CCSER1: variants seen among roughly 807,000 people sequenced by gnomAD.
The protein encoded by CCSER1 is serine-rich coiled-coil domain-containing protein 1.
Under a neutral mutation model 82.0 loss-of-function variants are expected in CCSER1, and 41 were observed. The ratio of observed to expected loss-of-function variants is 0.50; its 90% CI spans 0.39 to 0.65. CCSER1 has a LOEUF of 0.65. CCSER1 is among the 30% of genes least tolerant of loss of function. The probability of loss-of-function intolerance (pLI) is 0.00; values close to 1 mark genes in which losing one functional copy is unlikely to be tolerated. For synonymous variants in CCSER1, 414 were observed against 383.9 expected, an observed-to-expected ratio of 1.08 and a Z score of -0.92; for missense variants, 1,119 against 1,064.2, an observed-to-expected ratio of 1.05 and a Z score of -0.72.
At chr4:90,550,194 T>A (rs1209519630) in intron 5 of CCSER1, among the ~76,000 whole-genome samples, 2 of 152,154 alleles carry the variant, frequency 1.3e-5, no homozygotes, top group Non-Finnish European at 2.9e-5. Context: ...TGTCTTCCTG[T>A]ATCACAGGGC....
intron 9 of CCSER1, among the ~76,000 whole-genome samples, chr4:91,067,548 T>C (rs1489479758): frequency 6.6e-6 from 1 of 152,038 alleles, no homozygotes; most frequent in Non-Finnish European, 1.5e-5. Flanking sequence ...TCTCACTATG[T>C]TGTCTAGGTT....
chr4:90,751,247 A>G (rs1259878579), intron 7 of CCSER1, among the ~76,000 whole-genome samples: 1 of 152,170 alleles, frequency 6.6e-6, no homozygotes, highest in Non-Finnish European at 1.5e-5. Context: ...GTCAAAAAAT[A>G]CAGGATGAGA....
chr4:90,863,054 G>A (rs62311128), intron 8 of CCSER1, among the ~76,000 whole-genome samples: 10,740 of 150,498 alleles, frequency 0.071, 489 homozygotes, highest in Admixed American at 0.13. Context: ...TCATCATTTA[G>A]CATTAGGTAT....
At chr4:90,217,047 T>C (rs1000192016) in intron 1 of CCSER1, among the ~76,000 whole-genome samples, 1 of 152,188 alleles carries the variant, frequency 6.6e-6, no homozygotes, top group African/African-American at 2.4e-5. Context: ...TGTGTGTTGC[T>C]GTTGTAAATG....
intron 10 of CCSER1, among the ~76,000 whole-genome samples, chr4:91,581,762 T>G (rs540949167): frequency 6.6e-6 from 1 of 151,708 alleles, no homozygotes; most frequent in African/African-American, 2.4e-5. Flanking sequence ...TTAGCACTAT[T>G]GACATATTGG....
chr4:90,854,710 G>C (rs538705280), intron 8 of CCSER1, among the ~76,000 whole-genome samples: 4 of 151,604 alleles, frequency 2.6e-5, no homozygotes, highest in African/African-American at 4.8e-5. Context: ...CTAGCCTGAA[G>C]AAGAGTACTC....
chr4:91,054,609 T>G (rs1743284595), intron 9 of CCSER1, among the ~76,000 whole-genome samples: 1 of 152,120 alleles, frequency 6.6e-6, no homozygotes, highest in African/African-American at 2.4e-5. Flanking sequence ...TATTTGTGTT[T>G]TGGGATCTAA....
chr4:91,125,464 T>C (rs1727429447), intron 10 of CCSER1, among the ~76,000 whole-genome samples: 1 of 151,702 alleles, frequency 6.6e-6, no homozygotes, highest in Admixed American at 6.6e-5. Context: ...TGGCAGTATA[T>C]GAACATTCAT....
At chr4:90,199,490 A>G (rs192670042) in intron 1 of CCSER1, among the ~76,000 whole-genome samples, 4 of 152,310 alleles carry the variant, frequency 2.6e-5, no homozygotes, top group Non-Finnish European at 4.4e-5. Context: ...TGATTTGTTA[A>G]CATGAAACAA....
At chr4:90,286,408 A>G (rs944059550) in intron 1 of CCSER1, among the ~76,000 whole-genome samples, 3 of 152,048 alleles carry the variant, frequency 2.0e-5, no homozygotes, top group East Asian at 1.9e-4. Context: ...GACAATTTCA[A>G]TAAAGCAGAA....
intron 1 of CCSER1, among the ~76,000 whole-genome samples, chr4:90,276,964 A>G (rs1435233054): frequency 6.6e-6 from 1 of 152,150 alleles, no homozygotes. Flanking sequence ...ATCCTGAAAC[A>G]TTACTGAAGT....
At chr4:91,434,808 G>A (rs1754548341) in intron 10 of CCSER1, among the ~76,000 whole-genome samples, 1 of 152,154 alleles carries the variant, frequency 6.6e-6, no homozygotes, top group Non-Finnish European at 1.5e-5. Context: ...TGTCCTCTTA[G>A]GTCAGGAGCC....
chr4:90,439,076 G>A (rs772320923), intron 4 of CCSER1, among the ~76,000 whole-genome samples: 1 of 151,980 alleles, frequency 6.6e-6, no homozygotes, highest in African/African-American at 2.4e-5. Context: ...GGTAGATCAC[G>A]AGGTCAGGAG....
intron 1 of CCSER1, among the ~76,000 whole-genome samples, chr4:90,241,611 A>G (rs1746851197): frequency 6.6e-6 from 1 of 152,140 alleles, no homozygotes; most frequent in Non-Finnish European, 1.5e-5. Flanking sequence ...TATTCCTTTG[A>G]CAATTTGCTT....
At chr4:90,781,367 A>C (rs1753756856) in intron 7 of CCSER1, 10 of 985,334 alleles carry the variant, frequency 1.0e-5, no homozygotes, top group Non-Finnish European at 1.2e-5. Flanking sequence ...GTATCTGTGG[A>C]ATCCTGGTTA....
intron 6 of CCSER1, among the ~76,000 whole-genome samples, chr4:90,665,451 A>G (rs534728096): frequency 2.0e-5 from 3 of 151,798 alleles, no homozygotes; most frequent in African/African-American, 7.2e-5. Flanking sequence ...CCTCCTGAGT[A>G]GCTGGGACTA....
chr4:90,487,232 C>A (rs1269205075), intron 5 of CCSER1, among the ~76,000 whole-genome samples: 1 of 152,170 alleles, frequency 6.6e-6, no homozygotes, highest in Admixed American at 6.5e-5. Context: ...TTTAATACCT[C>A]TTTACAGGAT....
chr4:90,195,920 G>A (rs778636136), intron 1 of CCSER1, among the ~76,000 whole-genome samples: 1 of 152,078 alleles, frequency 6.6e-6, no homozygotes, highest in African/African-American at 2.4e-5. Flanking sequence ...TTATATCCAT[G>A]TGAAAGTATT....
chr4:91,172,442 G>A (rs1236994086), intron 10 of CCSER1, among the ~76,000 whole-genome samples: 1 of 152,208 alleles, frequency 6.6e-6, no homozygotes, highest in Admixed American at 6.5e-5. Context: ...TCTGGGAAAT[G>A]TTGCTTAGTC....
Sources: allele counts gnomAD v4.1 joint callset (sites outside exome capture counted in the v4.1 genomes callset), GRCh38; gene constraint gnomAD v4.1.1; transcripts MANE v1.5; gene names NCBI Gene and HGNC (gene_info 2026-07-23, HGNC 2026-07-21).